The following GREB1 variants were observed in gnomAD, a reference collection of about 807,000 sequenced individuals.
GREB1 encodes the protein protein GREB1.
GREB1 carries 106 observed loss-of-function variants against 200.7 expected under a neutral mutation model. The observed-to-expected ratio is 0.53, with a 90% CI of 0.45 to 0.62. GREB1 has a LOEUF of 0.62. GREB1 is among the 20% of genes least tolerant of loss of function. GREB1 has a pLI of 0.00. For synonymous variants in GREB1, 1,132 were observed against 1,092.4 expected (o/e 1.04, Z -0.72); for missense variants, 2,243 against 2,556.8 (o/e 0.88, Z 2.65).
intron 7 of GREB1, 180 bp from the exon 8 acceptor site, chr2:11,584,981 T>G: frequency 2.1e-6 from 1 of 485,952 alleles, no homozygotes; most frequent in Non-Finnish European, 3.6e-6. Flanking sequence ...AATGAAACAT[T>G]TACAAAAATT....
chr2:11,545,562 TA>T (rs1470295609), intron 1 of GREB1, among the ~76,000 whole-genome samples: 1 of 152,172 alleles, frequency 6.6e-6, no homozygotes, highest in African/African-American at 2.4e-5. Context: ...AAAAGCAACT[TA>T]AAAAAAATGC....
chr2:11,599,591 G>A (rs1452932147), intron 15 of GREB1, among the ~76,000 whole-genome samples: 2 of 146,838 alleles, frequency 1.4e-5, no homozygotes, highest in Non-Finnish European at 3.0e-5. Flanking sequence ...CACGATCTCC[G>A]CTCACTGCAA....
intron 26 of GREB1, 140 bp downstream of exon 26, chr2:11,630,249 C>T (rs1276281768): frequency 1.4e-5 from 10 of 738,500 alleles, no homozygotes; most frequent in Non-Finnish European, 1.7e-5. Flanking sequence ...GTGTCGCGCA[C>T]GGGCTCTGGA....
At chr2:11,572,492 A>G (rs937183596) in intron 4 of GREB1, among the ~76,000 whole-genome samples, 5 of 152,314 alleles carry the variant, frequency 3.3e-5, no homozygotes, top group Admixed American at 6.5e-5. Context: ...AAGAAGAATC[A>G]TGTCACTTTG....
chr2:11,618,894 G>A lies in GREB1; in HGVS notation c.4019G>A (p.Arg1340Lys), dbSNP rs764019051. 2.6e-6 allele frequency: 4 copies of A among 1,548,640 alleles called. No homozygotes were observed. In the South Asian group the frequency reaches 4.9e-5, roughly 19 times the overall value. Residue 1340 changes from arginine (R) to lysine (K), a missense_variant, in exon 22 of 33, where the codon AGG becomes AAG. Arg to Lys is a conservative substitution (Grantham distance 26). Transcript: ENST00000381486. ...EGRVDGFHPR[R>K]LLLSGPPQIG... is the part of the protein sequence containing the mutation. ...CGCGTGGACGGCTTCCACCCCCGCA[G>A]GCTGCTGCTCAGCGGCCCCCCTCAG...
chr2:11,607,595 T>TATAGATACATAGATAC (rs1553373779), intron 17 of GREB1, among the ~76,000 whole-genome samples: 1 of 136,478 alleles, frequency 7.3e-6, no homozygotes, highest in Non-Finnish European at 1.5e-5. Context: ...CATATATACA[T>TATAGATACATAGATAC]ATATATACAT....
rs13429741 is a variant in GREB1 at position 11,602,582 on chromosome 2, G to A, written c.2666+40G>A. 2.5e-3 allele frequency: 3,996 copies of A among 1,584,864 alleles called. 85 individuals are homozygous for A. The African/African-American group carries it at 0.045, about 18-fold the overall frequency. ...TCTAAGTTACTAGAAGTGCTCAGTA[G>A]CTTAAAGGGCAAGTTGAGGTGCGTT... On this transcript the variant is annotated intron_variant, in intron 17 of 32. Transcript: ENST00000381486.
rs57683597 is a variant in GREB1, at chr2:11,536,341, G to A, written c.-162+2087G>A. Among the ~76,000 whole-genome samples the A allele has an allele frequency of 7.1e-3, 1,083 of 152,316 alleles. 21 individuals carry two copies. Among genetic ancestry groups the A allele is most frequent in the African/African-American group, 0.025 (1,028 of 41,570 alleles). ...CACCAACCCCGCATGATTTGTCCCA[G>A]TAAAGCTTTGTCTTCTCTAGTGATC... is the stretch of plus-strand genomic sequence containing the variant. On this transcript the variant is annotated intron_variant, in intron 1 of 32. Transcript: ENST00000381486.
At chr2:11,497,512 T>C (rs545811097) in intron 1 of GREB1, among the ~76,000 whole-genome samples, 4 of 152,292 alleles carry the variant, frequency 2.6e-5, no homozygotes, top group Admixed American at 6.5e-5. Flanking sequence ...CTGGGTCTTA[T>C]TTTAGTTGTA....
At chr2:11,616,800 G>A in intron 21 of GREB1, 80 bp downstream of exon 21, 1 of 823,220 alleles carries the variant, frequency 1.2e-6, no homozygotes, top group Non-Finnish European at 2.1e-6. Context: ...ACCTATAGAG[G>A]GCTATTTGCT....
intron 32 of GREB1, among the ~76,000 whole-genome samples, chr2:11,639,390 G>A (rs1301478254): frequency 6.6e-6 from 1 of 152,204 alleles, no homozygotes; most frequent in African/African-American, 2.4e-5. Context: ...CACCAGCCAT[G>A]TGTGTTCTTT....
intron 1 of GREB1, among the ~76,000 whole-genome samples, chr2:11,494,231 T>G (rs539014961): frequency 3.9e-5 from 6 of 152,090 alleles, no homozygotes; most frequent in Admixed American, 3.9e-4. Context: ...GATCCGGGGG[T>G]GCCCCCAACA....
rs576733944 is a variant in GREB1 at position 11,614,379 on chromosome 2, C to T, written c.3123-712C>T. Among the ~76,000 whole-genome samples, 61 of 152,066 alleles carry T rather than the reference C, an allele frequency of 4.0e-4. 1 individual carries two copies. Among genetic ancestry groups the T allele is most frequent in the South Asian group, 2.1e-4 (1 of 4,806 alleles). The stretch of plus-strand genomic sequence containing the variant: ...TGACCTCAAGTGATCGGCCCGCCTT[C>T]GCCTCTCAAAGTGCTGGGATTACAG... On this transcript the variant is annotated intron_variant, in intron 19 of 32. Coordinates refer to ENST00000381486, the MANE Select transcript of GREB1 (RefSeq NM_014668.4).
Position 11,548,042 on chromosome 2 carries a change from G to A in GREB1, c.-161-8412G>A, listed in dbSNP as rs1467994773. The stretch of plus-strand genomic sequence containing the variant: ...TACCAAAAAAAGCTATCTGGGCATG[G>A]TGGCATGTTCCTATAGTCCTAGCTA... On this transcript the variant is annotated intron_variant, in intron 1 of 32. Coordinates refer to ENST00000381486, the MANE Select transcript of GREB1 (RefSeq NM_014668.4). This position sits in a 1 kb window ranked among gnomAD's most constrained non-coding sequence, Gnocchi z 5.1. 6.6e-6 allele frequency among the ~76,000 whole-genome samples: 1 copy of A among 152,064 alleles called. No individual in the cohort carries two copies. The highest frequency in any genetic ancestry group is 6.5e-5 in the Admixed American group (1 of 15,272).
At chr2:11,510,873 A>T (rs758932269) in intron 1 of GREB1, among the ~76,000 whole-genome samples, 52 of 152,158 alleles carry the variant, frequency 3.4e-4, no homozygotes, top group Admixed American at 1.5e-3. Flanking sequence ...GGGTTTCGCC[A>T]TGTTGGGCAG....
chr2:11,565,035 T>C (rs1677482019), intron 3 of GREB1, among the ~76,000 whole-genome samples: 1 of 152,164 alleles, frequency 6.6e-6, no homozygotes, highest in Non-Finnish European at 1.5e-5. Context: ...ACCGTATCCC[T>C]CCCACAATAT....
chr2:11,501,767 T>C (rs1673044104), intron 1 of GREB1, among the ~76,000 whole-genome samples: 1 of 152,094 alleles, frequency 6.6e-6, no homozygotes, highest in Non-Finnish European at 1.5e-5. Context: ...CTCAAACACA[T>C]GTGAAGTGCC....
At chr2:11,546,840 G>A (rs940025732) in intron 1 of GREB1, among the ~76,000 whole-genome samples, 1 of 152,020 alleles carries the variant, frequency 6.6e-6, no homozygotes, top group African/African-American at 2.4e-5. Flanking sequence ...AAATCAGGAA[G>A]TGTCTTGTCA....
chr2:11,562,658 C>A (rs1677193668), intron 3 of GREB1, 76 bp downstream of exon 3: 5 of 1,466,284 alleles, frequency 3.4e-6, no homozygotes, highest in South Asian at 1.3e-5. Context: ...GGTGACTGGG[C>A]CTGTGACTGT....
Sources: allele counts gnomAD v4.1 joint callset (sites outside exome capture counted in the v4.1 genomes callset), GRCh38; gene constraint gnomAD v4.1.1; non-coding constraint Gnocchi (gnomAD v3.1); transcripts MANE v1.5; gene names NCBI Gene and HGNC (gene_info 2026-07-23, HGNC 2026-07-21).